Variants in CSMD1 observed in about 807,000 individuals in gnomAD.
CSMD1 encodes the protein CUB and Sushi multiple domains 1.
Under a neutral mutation model 417.5 loss-of-function variants are expected in CSMD1, and 213 were observed. The ratio of observed to expected loss-of-function variants is 0.51; its 90% CI spans 0.46 to 0.57. The LOEUF (loss-of-function observed/expected upper bound fraction) is 0.57. Ranked by LOEUF, CSMD1 falls within the 20% of genes least tolerant of loss-of-function variation. CSMD1 has a pLI of 0.00. For synonymous variants in CSMD1, 2,862 were observed against 1,736.8 expected, an observed-to-expected ratio of 1.65 and a Z score of -16.11; for missense variants, 6,923 against 4,529.7, an observed-to-expected ratio of 1.53 and a Z score of -15.17.
chr8:3,746,646 A>G (rs1196419339), intron 6 of CSMD1, among the ~76,000 whole-genome samples: 1 of 152,174 alleles, frequency 6.6e-6, no homozygotes, highest in Non-Finnish European at 1.5e-5. Context: ...TCTTTCTTAA[A>G]TTTATTCTCT....
At chr8:4,733,656 T>A (rs896204514) in intron 1 of CSMD1, among the ~76,000 whole-genome samples, 1 of 152,242 alleles carries the variant, frequency 6.6e-6, no homozygotes, top group Admixed American at 6.5e-5. Context: ...TTAACACATC[T>A]GAACAGGTAT....
intron 1 of CSMD1, among the ~76,000 whole-genome samples, chr8:4,901,175 C>G (rs189305822): frequency 1.2e-4 from 19 of 152,222 alleles, no homozygotes; most frequent in Admixed American, 9.2e-4. Flanking sequence ...TTTCTTAAAC[C>G]AAAAGTTAGT....
intron 5 of CSMD1, among the ~76,000 whole-genome samples, chr8:3,968,193 T>C (rs1404102044): frequency 7.9e-5 from 9 of 113,368 alleles, no homozygotes; most frequent in Admixed American, 5.0e-4. Context: ...TCTCAAATAA[T>C]AATAATAATA....
intron 6 of CSMD1, among the ~76,000 whole-genome samples, chr8:3,712,414 C>G (rs60056932): frequency 0.64 from 94,257 of 147,978 alleles, 29,773 homozygotes; most frequent in Admixed American, 0.66. Context: ...GACAGACAGA[C>G]AGACAGACAG....
intron 3 of CSMD1, among the ~76,000 whole-genome samples, chr8:4,230,365 G>T (rs773305431): frequency 5.3e-4 from 81 of 152,140 alleles, no homozygotes; most frequent in African/African-American, 1.9e-3. Flanking sequence ...AAACTCTGGT[G>T]ACCTACCTGA....
At chr8:3,551,841 A>G (rs561678214) in intron 10 of CSMD1, among the ~76,000 whole-genome samples, 1 of 152,244 alleles carries the variant, frequency 6.6e-6, no homozygotes, top group East Asian at 1.9e-4. Context: ...ACGTGGCTTT[A>G]GCTACTGAAA....
At chr8:4,925,345 C>T (rs1287440443) in intron 1 of CSMD1, among the ~76,000 whole-genome samples, 1 of 144,676 alleles carries the variant, frequency 6.9e-6, no homozygotes, top group Non-Finnish European at 1.5e-5. Context: ...TGTGTTGTCA[C>T]ATGACTCCTG....
intron 1 of CSMD1, among the ~76,000 whole-genome samples, chr8:4,943,210 T>A (rs369938961): frequency 4.6e-5 from 7 of 152,246 alleles, no homozygotes; most frequent in African/African-American, 1.7e-4. Flanking sequence ...TATTTGAAAA[T>A]CATGGCCGGG....
intron 3 of CSMD1, among the ~76,000 whole-genome samples, chr8:4,036,147 C>T (rs1186929173): frequency 1.3e-5 from 2 of 152,144 alleles, no homozygotes; most frequent in African/African-American, 4.8e-5. Flanking sequence ...GCGTAGTAGG[C>T]CGCAAAACTT....
chr8:4,210,852 G>A (rs149684355), intron 3 of CSMD1, among the ~76,000 whole-genome samples: 6 of 152,196 alleles, frequency 3.9e-5, no homozygotes, highest in East Asian at 3.9e-4. Flanking sequence ...GGAAAGAAAT[G>A]TTTCACAGCA....
At chr8:4,542,674 A>G in intron 2 of CSMD1, among the ~76,000 whole-genome samples, 1 of 152,194 alleles carries the variant, frequency 6.6e-6, no homozygotes. Context: ...ACTGTATCTT[A>G]TGCGGCAGAA....
At chr8:3,556,159 T>G (rs896548389) in intron 10 of CSMD1, among the ~76,000 whole-genome samples, 22 of 152,102 alleles carry the variant, frequency 1.4e-4, no homozygotes, top group African/African-American at 5.3e-4. Context: ...ATCATCAATT[T>G]CCTAAGTGGA....
chr8:3,196,894 C>A (rs1001016659), intron 33 of CSMD1, among the ~76,000 whole-genome samples: 1 of 152,180 alleles, frequency 6.6e-6, no homozygotes, highest in Non-Finnish European at 1.5e-5. Context: ...CTGGCAAGTG[C>A]TGGCTCACCA....
Position 2,937,453 on chromosome 8 carries a change from CAAAAA to C in CSMD1, c.*1127_*1131del, listed in dbSNP as rs34727563. ...AGTAAAAGACAAAAAAAAAAAAAAA[CAAAAA>C]AAAAACACTGCAAAAGGGAAGGCTG... On this transcript the variant is annotated 3_prime_UTR_variant, in exon 70 of 70. Transcript: ENST00000635120. 1 of 136,992 alleles carries C rather than the reference CAAAAA, an allele frequency of 7.3e-6. No homozygotes were observed. The highest frequency in any genetic ancestry group is 1.5e-5 in the Non-Finnish European group (1 of 65,176). 8.5% of individuals were successfully genotyped at this position (136,992 alleles called of 1,614,324 possible).
intron 3 of CSMD1, among the ~76,000 whole-genome samples, chr8:4,066,649 T>G (rs928735267): frequency 6.6e-6 from 1 of 152,192 alleles, no homozygotes; most frequent in African/African-American, 2.4e-5. Context: ...TTTGTGGATG[T>G]TTTTGCTCAT....
At chr8:3,461,480 G>C (rs977053537) in intron 12 of CSMD1, among the ~76,000 whole-genome samples, 1 of 152,178 alleles carries the variant, frequency 6.6e-6, no homozygotes, top group African/African-American at 2.4e-5. Context: ...AGGAGTAGCT[G>C]TCTCACCTCC....
At chr8:4,915,890 G>A (rs926842515) in intron 1 of CSMD1, among the ~76,000 whole-genome samples, 29 of 152,200 alleles carry the variant, frequency 1.9e-4, no homozygotes, top group Non-Finnish European at 8.8e-5. Context: ...CAAGCCATAA[G>A]TGCCAGGCAG....
chr8:3,473,285 A>T (rs1488795548), intron 11 of CSMD1, among the ~76,000 whole-genome samples: 2 of 152,194 alleles, frequency 1.3e-5, no homozygotes, highest in East Asian at 3.8e-4. Context: ...ATCAAATGTC[A>T]AATCAGGTTT....
At chr8:3,805,703 C>T (rs184200129) in intron 5 of CSMD1, among the ~76,000 whole-genome samples, 3 of 152,110 alleles carry the variant, frequency 2.0e-5, no homozygotes, top group East Asian at 3.9e-4. Context: ...TCATTCTTTC[C>T]TATCTTTCTT....
Sources: gnomAD v4.1 joint callset for allele counts (sites outside exome capture counted in the v4.1 genomes callset) on GRCh38, gnomAD v4.1.1 for gene constraint, MANE v1.5 for transcripts, NCBI Gene and HGNC (gene_info 2026-07-23, HGNC 2026-07-21) for gene names.